Variants in ATP6V1C2 observed in about 807,000 individuals in gnomAD.
The protein encoded by ATP6V1C2 is ATPase H+ transporting V1 subunit C2.
In ATP6V1C2, 45 loss-of-function variants were observed where a neutral mutation model predicts 56.8. That is an observed-to-expected ratio of 0.79 (90% confidence interval 0.62 to 1.02). The LOEUF is 1.02. ATP6V1C2 is among the 50% of genes least tolerant of loss of function. The pLI is 0.00. For missense variants in ATP6V1C2, 463 were observed against 519.7 expected (o/e 0.89, Z 1.06); for synonymous variants, 220 against 201.3 (o/e 1.09, Z -0.79).
chr2:10,743,142 G>A (rs1455983759), intron 3 of ATP6V1C2, among the ~76,000 whole-genome samples: 9 of 151,980 alleles, frequency 5.9e-5, no homozygotes, highest in Non-Finnish European at 1.2e-4. Context: ...TTTGAAACAG[G>A]GTCTCACTCT....
rs371459373 is a variant in ATP6V1C2 at position 10,725,489 on chromosome 2, A to ATTT, written c.130-992_130-990dup. On this transcript the variant is annotated intron_variant, in intron 2 of 13. Transcript: ENST00000272238. ...AAAGCTGCCTCCTTCCCCAGCAAGAATTTTTTTTTTTTTTTTTTTTTTTGA... is the reference window on the plus strand; with the variant it reads ...AAAGCTGCCTCCTTCCCCAGCAAGAATTTTTTTTTTTTTTTTTTTTTTTTTTGA... Among the ~76,000 whole-genome samples the ATTT allele has an allele frequency of 2.2e-3, 241 of 107,124 alleles. 7 individuals carry two copies. The East Asian group carries it at 0.026, about 12-fold the overall frequency. 70.3% of individuals were successfully genotyped at this position (107,124 alleles called of 152,430 possible).
intron 12 of ATP6V1C2, among the ~76,000 whole-genome samples, chr2:10,781,365 C>T (rs1485427357): frequency 1.3e-5 from 2 of 152,088 alleles, no homozygotes; most frequent in East Asian, 3.9e-4. Context: ...GTAATCCCAG[C>T]TACTTGGGAG....
At chr2:10,737,590 A>G (rs1416677400) in intron 3 of ATP6V1C2, among the ~76,000 whole-genome samples, 2 of 152,146 alleles carry the variant, frequency 1.3e-5, no homozygotes, top group Admixed American at 6.5e-5. Flanking sequence ...ATAAACGTCT[A>G]TTGGAGCAAC....
intron 3 of ATP6V1C2, among the ~76,000 whole-genome samples, chr2:10,735,607 T>C (rs1662207052): frequency 6.6e-6 from 1 of 152,028 alleles, no homozygotes; most frequent in Non-Finnish European, 1.5e-5. Flanking sequence ...TTTCTCTCTT[T>C]TTTTGAGAAA....
At chr2:10,768,569 C>T (rs1460240945) in intron 5 of ATP6V1C2, 150 bp from the exon 6 acceptor site, 7 of 653,634 alleles carry the variant, frequency 1.1e-5, no homozygotes, top group East Asian at 5.6e-5. Context: ...CCTGGAAGGG[C>T]CAAATGCTGG....
chr2:10,737,859 A>T (rs527438607), intron 3 of ATP6V1C2, among the ~76,000 whole-genome samples: 1 of 152,036 alleles, frequency 6.6e-6, no homozygotes, highest in Non-Finnish European at 1.5e-5. Context: ...AGGCCCAGCT[A>T]TTTTTTATAT....
intron 4 of ATP6V1C2, among the ~76,000 whole-genome samples, chr2:10,761,403 C>A (rs1212959672): frequency 6.6e-6 from 1 of 152,056 alleles, no homozygotes; most frequent in African/African-American, 2.4e-5. Flanking sequence ...TCGTTCCTGC[C>A]ACAGGAGGAG....
At chr2:10,757,561 A>G (rs1165640345) in intron 4 of ATP6V1C2, 2 of 397,920 alleles carry the variant, frequency 5.0e-6, no homozygotes, top group Non-Finnish European at 8.9e-6. Context: ...TCAAGTTACC[A>G]CGATTTCTCA....
chr2:10,764,948 G>A (rs531921542), intron 5 of ATP6V1C2, among the ~76,000 whole-genome samples: 2 of 150,770 alleles, frequency 1.3e-5, no homozygotes, highest in South Asian at 2.1e-4. Flanking sequence ...TCCAGCTTGG[G>A]CAACAGAATG....
In ATP6V1C2 at chr2:10,778,639, C is replaced by A. The variant is rs1182281587; in HGVS notation, c.1031C>A (p.Ala344Asp). The A allele has an allele frequency of 1.2e-6, 2 of 1,614,090 alleles. No homozygotes were observed. Among genetic ancestry groups the A allele is most frequent in the Non-Finnish European group, 1.7e-6 (2 of 1,180,036 alleles). ...EAFIAWIHIK[A>D]LRVFVESVLR... ...TTCATTGCCTGGATCCACATCAAGGCCCTGAGAGTGTTTGTGGAGTCCGTG... is the reference window on the plus strand; with the variant it reads ...TTCATTGCCTGGATCCACATCAAGGACCTGAGAGTGTTTGTGGAGTCCGTG... Residue 344 changes from alanine to aspartate, a missense_variant, in exon 12 of 14, where the codon GCC (alanine) becomes GAC (aspartate). Coordinates refer to ENST00000272238, the MANE Select transcript of ATP6V1C2 (RefSeq NM_001039362.2).
Position 10,778,619 on chromosome 2 carries a change from T to C in ATP6V1C2, c.1011T>C (p.Ile337=). Residue 337 remains isoleucine, a synonymous_variant, in exon 12 of 14, where the codon ATT becomes ATC. Transcript: ENST00000272238. The part of the protein sequence containing the change: ...WLKVNFSEAF[I]AWIHIKALRV... Reference sequence around the variant, plus strand: ...AGGTGAACTTCAGTGAAGCCTTCATTGCCTGGATCCACATCAAGGCCCTGA... The same window carrying C: ...AGGTGAACTTCAGTGAAGCCTTCATCGCCTGGATCCACATCAAGGCCCTGA... 6.2e-7 allele frequency: 1 copy of C among 1,614,218 alleles called. No homozygotes were observed. The highest frequency in any genetic ancestry group is 1.7e-5 in the Admixed American group (1 of 60,028).
intron 4 of ATP6V1C2, 27 bp downstream of exon 4, chr2:10,754,093 A>G: frequency 1.3e-6 from 2 of 1,565,952 alleles, no homozygotes; most frequent in Non-Finnish European, 1.7e-6. Flanking sequence ...TCTGATGTGG[A>G]GCACAATCTC....
At chr2:10,724,353 C>T (rs1028251613) in intron 2 of ATP6V1C2, among the ~76,000 whole-genome samples, 1 of 152,170 alleles carries the variant, frequency 6.6e-6, no homozygotes, top group South Asian at 2.1e-4. Context: ...ACTTGAAATG[C>T]ATCACCGGGA....
intron 3 of ATP6V1C2, among the ~76,000 whole-genome samples, chr2:10,740,087 CAA>C (rs70953339): frequency 7.7e-5 from 8 of 103,746 alleles, no homozygotes; most frequent in Admixed American, 3.3e-4. Flanking sequence ...GACTCCATCT[CAA>C]AAAAAAAAAA....
At chr2:10,773,435 T>G (rs1664758225) in intron 8 of ATP6V1C2, among the ~76,000 whole-genome samples, 1 of 152,148 alleles carries the variant, frequency 6.6e-6, no homozygotes. Context: ...CAGGCTGGAG[T>G]GCAGTGGCCC....
chr2:10,724,705 C>T (rs537548498), intron 2 of ATP6V1C2, among the ~76,000 whole-genome samples: 19 of 146,690 alleles, frequency 1.3e-4, no homozygotes, highest in African/African-American at 4.8e-4. Context: ...TGGAGCCTCG[C>T]TCTGTCACCC....
At chr2:10,766,287 C>G (rs148791618) in intron 5 of ATP6V1C2, among the ~76,000 whole-genome samples, 1 of 152,278 alleles carries the variant, frequency 6.6e-6, no homozygotes, top group East Asian at 1.9e-4. Context: ...TGACACCCCC[C>G]GCCTCAGCCT....
At chr2:10,783,106 C>G in intron 13 of ATP6V1C2, 68 bp from the exon 14 acceptor site, 1 of 1,350,664 alleles carries the variant, frequency 7.4e-7, no homozygotes, top group Non-Finnish European at 1.1e-6. Context: ...CGAGCTTCCT[C>G]AAAACTAAAA....
In ATP6V1C2 at chr2:10,780,316, C is replaced by T. The variant is rs1458071955; in HGVS notation, c.1061+1647C>T. 2.0e-5 allele frequency among the ~76,000 whole-genome samples: 3 copies of T among 152,224 alleles called. No individual in the cohort carries two copies. Among genetic ancestry groups the T allele is most frequent in the Admixed American group, 1.3e-4 (2 of 15,280 alleles). ...AGGCCCGGTCCACTCCGCCTTTGCA[C>T]TCTCTCTTTCACGGGTCTGGCCCCA... is the stretch of plus-strand genomic sequence containing the variant. On this transcript the variant is annotated intron_variant, in intron 12 of 13. Transcript: ENST00000272238. This position sits in a 1 kb window ranked among gnomAD's most constrained non-coding sequence, Gnocchi z 4.1.
Sources: gnomAD v4.1 joint callset for allele counts (sites outside exome capture counted in the v4.1 genomes callset) on GRCh38, gnomAD v4.1.1 for gene constraint, Gnocchi (gnomAD v3.1) non-coding constraint, MANE v1.5 for transcripts, NCBI Gene and HGNC (gene_info 2026-07-23, HGNC 2026-07-21) for gene names.